Variants in SCAMP5 observed in about 807,000 individuals in gnomAD.
SCAMP5 encodes secretory carrier membrane protein 5, also known as secretory carrier-associated membrane protein 5.
A neutral mutation model predicts 28.3 loss-of-function variants in SCAMP5; 7 were observed. The observed-to-expected ratio is 0.25, with a 90% CI of 0.14 to 0.46. SCAMP5 has a LOEUF of 0.46. Among genes scored for constraint, SCAMP5 ranks in the 20% least tolerant of loss-of-function variants. The pLI, the probability that SCAMP5 is intolerant of heterozygous loss-of-function variation, is 0.99. For synonymous variants in SCAMP5, 117 were observed against 116.4 expected (o/e 1.00, Z -0.03); for missense variants, 192 against 312.5 (o/e 0.61, Z 2.91).
intron 1 of SCAMP5, among the ~76,000 whole-genome samples, chr15:74,997,652 G>A (rs893994078): frequency 3.3e-5 from 5 of 152,188 alleles, no homozygotes; most frequent in South Asian, 2.1e-4. Context: ...CAGAGGGGGC[G>A]GCTAGAGATG....
At chr15:75,014,647 G>A (rs1393990861) in intron 3 of SCAMP5, among the ~76,000 whole-genome samples, 1 of 152,108 alleles carries the variant, frequency 6.6e-6, no homozygotes, top group Admixed American at 6.6e-5. Flanking sequence ...GGGCAGGGGA[G>A]GGAATAAGAA....
In SCAMP5 at chr15:75,002,888, T is replaced by C. The variant is rs138899220; in HGVS notation, c.-49+7215T>C. On this transcript the variant is annotated intron_variant, in intron 1 of 6. Transcript: ENST00000425597. ...ATTTCTGAAAACATTTTCATGTCTG[T>C]GTTTTAAAATTTCTGGCATCTTACA... Among the ~76,000 whole-genome samples the C allele has an allele frequency of 5.2e-3, 791 of 152,218 alleles. 8 individuals carry two copies. Among genetic ancestry groups the C allele is most frequent in the African/African-American group, 0.018 (739 of 41,544 alleles).
At chr15:75,013,637 C>A (rs377329613) in intron 3 of SCAMP5, among the ~76,000 whole-genome samples, 1 of 152,064 alleles carries the variant, frequency 6.6e-6, no homozygotes, top group East Asian at 1.9e-4. Context: ...GAGTTTGAGA[C>A]CAGTATGGGC....
chr15:75,018,036 C>T lies in SCAMP5; in HGVS notation c.395+65C>T, dbSNP rs2065874146. ...CGTTGTGGGTGTATCTTTTGCTTACCTTTGTGTGCTAAGCTGTCTAGCCTA... is the reference window on the plus strand; with the variant it reads ...CGTTGTGGGTGTATCTTTTGCTTACTTTTGTGTGCTAAGCTGTCTAGCCTA... On this transcript the variant is annotated intron_variant, in intron 5 of 6. Coordinates refer to ENST00000425597, the MANE Select transcript of SCAMP5 (RefSeq NM_138967.4). The surrounding 1 kb of genome is among the most constrained non-coding windows in gnomAD (Gnocchi z 5.6). 8.0e-6 allele frequency: 8 copies of T among 1,004,554 alleles called. No homozygotes were observed. In the Admixed American group the frequency reaches 1.4e-4, roughly 18 times the overall value. The allele number at this position is 1,004,554 out of a possible 1,614,324, so 62.2% of individuals were successfully genotyped here.
intron 1 of SCAMP5, among the ~76,000 whole-genome samples, chr15:75,006,343 T>C (rs950731289): frequency 5.3e-5 from 8 of 152,028 alleles, no homozygotes; most frequent in African/African-American, 1.7e-4. Flanking sequence ...TTTGGACTCA[T>C]GGATTAATAA....
At chr15:74,997,534 G>A (rs1313843449) in intron 1 of SCAMP5, among the ~76,000 whole-genome samples, 1 of 152,220 alleles carries the variant, frequency 6.6e-6, no homozygotes, top group Non-Finnish European at 1.5e-5. Context: ...GTATGCAGCG[G>A]GATGCAGAGC....
In SCAMP5 at chr15:75,018,954, C is replaced by G; in HGVS notation, c.679C>G (p.Pro227Ala). ...GCCTCAGACTCAGTATTCCGCCACC[C>G]CCAATTACACGTACTCCAATGAGAT... ...NQPQTQYSAT[P>A]NYTYSNEM Residue 227 changes from proline (P) to alanine (A), a missense_variant, in exon 7 of 7, where the codon CCC (proline) becomes GCC (alanine). Coordinates refer to ENST00000425597, the MANE Select transcript of SCAMP5 (RefSeq NM_138967.4). The surrounding 1 kb of genome is among the most constrained non-coding windows in gnomAD (Gnocchi z 5.6). 6.5e-7 allele frequency: 1 copy of G among 1,534,268 alleles called. No individual in the cohort carries two copies. The highest frequency in any genetic ancestry group is 8.7e-7 in the Non-Finnish European group (1 of 1,149,194).
At chr15:74,997,160 C>G (rs1192484979) in intron 1 of SCAMP5, 1 of 152,334 alleles carries the variant, frequency 6.6e-6, no homozygotes, top group Non-Finnish European at 1.5e-5. Flanking sequence ...CCCCTTTCTT[C>G]TCCCTCTTCC....
intron 1 of SCAMP5, among the ~76,000 whole-genome samples, chr15:75,001,977 G>A (rs749347532): frequency 4.0e-5 from 6 of 150,746 alleles, no homozygotes; most frequent in South Asian, 2.1e-4. Context: ...ATGGTGGCAC[G>A]CATCTGTAGT....
At position 75,019,133 on chromosome 15, in the gene SCAMP5, A is replaced by ATATG. The variant is rs1567035144; in HGVS notation, c.*151_*152insATGT. ...GGACCAGAGTTATATATATATATAT[A>ATATG]TGTATATGTCTGTACCCCAGCCCCC... On this transcript the variant is annotated 3_prime_UTR_variant, in exon 7 of 7. Coordinates refer to ENST00000425597, the MANE Select transcript of SCAMP5 (RefSeq NM_138967.4). The ATATG allele has an allele frequency of 2.2e-6, 1 of 462,472 alleles. No homozygotes were observed. 28.6% of individuals were successfully genotyped at this position (462,472 alleles called of 1,614,324 possible).
chr15:75,013,104 C>T, intron 3 of SCAMP5: 1 of 340,170 alleles, frequency 2.9e-6, no homozygotes, highest in Non-Finnish European at 5.4e-6. Flanking sequence ...AGTGTAATCC[C>T]TGTCTTCTTG....
intron 1 of SCAMP5, among the ~76,000 whole-genome samples, chr15:75,003,441 T>C (rs1025196960): frequency 6.6e-6 from 1 of 152,206 alleles, no homozygotes; most frequent in African/African-American, 2.4e-5. Context: ...GTGCATATAT[T>C]GTCAAATACA....
At chr15:75,005,175 C>CAAA (rs34793996) in intron 1 of SCAMP5, among the ~76,000 whole-genome samples, 1 of 141,934 alleles carries the variant, frequency 7.0e-6, no homozygotes. Context: ...GCTCTTGTCT[C>CAAA]AAAAAAAAAA....
At chr15:75,004,566 C>CA (rs1229583697) in intron 1 of SCAMP5, among the ~76,000 whole-genome samples, 1 of 151,608 alleles carries the variant, frequency 6.6e-6, no homozygotes, top group African/African-American at 2.4e-5. Flanking sequence ...CTTCTCTCTG[C>CA]AAAAAATACA....
chr15:75,010,425 T>G (rs2065800624), intron 1 of SCAMP5, among the ~76,000 whole-genome samples: 1 of 152,268 alleles, frequency 6.6e-6, no homozygotes, highest in Admixed American at 6.5e-5. Flanking sequence ...CCCTTCAAAC[T>G]TGTCTCCTAA....
At chr15:75,012,827 T>A (rs1483078140) in intron 3 of SCAMP5, 22 bp downstream of exon 3, 1 of 1,613,372 alleles carries the variant, frequency 6.2e-7, no homozygotes, top group Non-Finnish European at 8.5e-7. Flanking sequence ...GGGATGGGGG[T>A]GGGCCAGGGT....
chr15:75,008,538 C>T (rs1353015672), intron 1 of SCAMP5, among the ~76,000 whole-genome samples: 13 of 146,368 alleles, frequency 8.9e-5, no homozygotes, highest in Non-Finnish European at 1.9e-4. Context: ...TTCACTCTGT[C>T]ACCCAGGCTG....
At chr15:75,012,233 G>A (rs190854141) in intron 2 of SCAMP5, among the ~76,000 whole-genome samples, 2 of 152,230 alleles carry the variant, frequency 1.3e-5, no homozygotes, top group East Asian at 3.9e-4. Flanking sequence ...GGAACTTTAG[G>A]GACCGTGTAG....
At chr15:75,017,718 T>C (rs1025899283) in intron 4 of SCAMP5, 152 bp from the exon 5 acceptor site, 5 of 656,198 alleles carry the variant, frequency 7.6e-6, no homozygotes, top group Non-Finnish European at 1.4e-5. Context: ...CAAAGATGTA[T>C]GGGTAGAACT....
Sources: allele counts gnomAD v4.1 joint callset (sites outside exome capture counted in the v4.1 genomes callset), GRCh38; gene constraint gnomAD v4.1.1; non-coding constraint Gnocchi (gnomAD v3.1); transcripts MANE v1.5; gene names NCBI Gene and HGNC (gene_info 2026-07-23, HGNC 2026-07-21).